RYR2: variants seen among roughly 807,000 people sequenced by gnomAD.
The protein encoded by RYR2 is ryanodine receptor 2, also known as cardiac muscle ryanodine receptor-calcium release channel.
In RYR2, 227 loss-of-function variants were observed where a neutral mutation model predicts 601.1. The observed-to-expected ratio is 0.38, with a 90% CI of 0.34 to 0.42. RYR2 has a LOEUF of 0.42. RYR2 is among the 10% of genes least tolerant of loss of function. The pLI, the probability that RYR2 is intolerant of heterozygous loss-of-function variation, is 1.00. For synonymous variants in RYR2, 2,223 were observed against 2,175.1 expected, an observed-to-expected ratio of 1.02 and a Z score of -0.61; for missense variants, 4,646 against 6,156.5, an observed-to-expected ratio of 0.75 and a Z score of 8.21.
At chr1:237,043,926 C>G (rs1177309811) in intron 1 of RYR2, among the ~76,000 whole-genome samples, 2 of 152,200 alleles carry the variant, frequency 1.3e-5, no homozygotes, top group East Asian at 3.8e-4. Context: ...ACGTTGTAAA[C>G]GACTGTCTCT....
chr1:237,785,115 G>A (rs1444517296), intron 90 of RYR2, 143 bp downstream of exon 90: 2 of 685,864 alleles, frequency 2.9e-6, no homozygotes, highest in South Asian at 1.7e-5. Flanking sequence ...CTTTTTGGTA[G>A]ACAAAGTTAG....
intron 1 of RYR2, among the ~76,000 whole-genome samples, chr1:237,073,734 T>C (rs539534657): frequency 6.6e-6 from 1 of 151,914 alleles, no homozygotes; most frequent in East Asian, 2.0e-4. Context: ...AGCTGGGTGT[T>C]GTGGCATGCA....
At chr1:237,170,271 C>A (rs1394367798) in intron 1 of RYR2, among the ~76,000 whole-genome samples, 1 of 152,164 alleles carries the variant, frequency 6.6e-6, no homozygotes, top group African/African-American at 2.4e-5. Context: ...GCCCTGGAAA[C>A]TTCTAGGGGG....
At chr1:237,454,711 G>T in intron 15 of RYR2, 137 bp downstream of exon 15, 1 of 711,156 alleles carries the variant, frequency 1.4e-6, no homozygotes, top group Middle Eastern at 3.3e-4. Flanking sequence ...CTGAACAGGA[G>T]AAACAGGCCT....
chr1:237,772,190 A>G, intron 86 of RYR2, 90 bp downstream of exon 86: 3 of 687,024 alleles, frequency 4.4e-6, no homozygotes, highest in Middle Eastern at 3.7e-4. Context: ...GTTTATAACT[A>G]GAAAGGAGTT....
chr1:237,081,658 A>G (rs1055922503), intron 1 of RYR2, among the ~76,000 whole-genome samples: 3 of 151,826 alleles, frequency 2.0e-5, no homozygotes, highest in Non-Finnish European at 2.9e-5. Context: ...GTCTCTCTCA[A>G]TATTCCATCC....
At chr1:237,559,368 G>A (rs566866629) in intron 27 of RYR2, among the ~76,000 whole-genome samples, 47 of 152,014 alleles carry the variant, frequency 3.1e-4, no homozygotes, top group Admixed American at 1.5e-3. Context: ...CCCACAAGCC[G>A]CTGGAGTGGG....
At chr1:237,560,347 A>G (rs1273259120) in intron 27 of RYR2, among the ~76,000 whole-genome samples, 1 of 152,258 alleles carries the variant, frequency 6.6e-6, no homozygotes, top group Non-Finnish European at 1.5e-5. Context: ...CCTTGGAGAA[A>G]CAACTATTTG....
intron 17 of RYR2, among the ~76,000 whole-genome samples, chr1:237,487,439 T>C (rs1662805620): frequency 6.6e-6 from 1 of 151,286 alleles, no homozygotes; most frequent in Non-Finnish European, 1.5e-5. Flanking sequence ...TATTTCAGGC[T>C]GGGTGCTGTG....
intron 8 of RYR2, among the ~76,000 whole-genome samples, chr1:237,383,414 C>CTTTTTTTTTTTTTTTTTTTTTT (rs1558724426): frequency 1.5e-5 from 1 of 64,790 alleles, no homozygotes; most frequent in African/African-American, 5.4e-5. Flanking sequence ...TTTCTTTTTT[C>CTTTTTTTTTTTTTTTTTTTTTT]TTGTTTTTTT....
At chr1:237,495,218 A>G (rs1663938194) in intron 19 of RYR2, among the ~76,000 whole-genome samples, 1 of 152,154 alleles carries the variant, frequency 6.6e-6, no homozygotes. Flanking sequence ...TTACCAGTCC[A>G]TTTTCCAGGA....
chr1:237,232,466 T>G (rs1685103174), intron 1 of RYR2, among the ~76,000 whole-genome samples: 1 of 152,240 alleles, frequency 6.6e-6, no homozygotes, highest in African/African-American at 2.4e-5. Context: ...TACCTCCTTG[T>G]ACCTTCCCTC....
At chr1:237,606,928 G>A (rs1459639282) in intron 35 of RYR2, among the ~76,000 whole-genome samples, 1 of 152,170 alleles carries the variant, frequency 6.6e-6, no homozygotes, top group African/African-American at 2.4e-5. Flanking sequence ...GAAACAACAG[G>A]TGCTGGAGAA....
intron 2 of RYR2, among the ~76,000 whole-genome samples, chr1:237,281,194 A>T (rs1328923108): frequency 6.6e-6 from 1 of 152,230 alleles, no homozygotes; most frequent in African/African-American, 2.4e-5. Context: ...AAGGCATTTT[A>T]TGGAATACTT....
chr1:237,708,952 G>A lies in RYR2; in HGVS notation c.9996G>A (p.Thr3332=), dbSNP rs760131228. ...LMEKLKKKAA[T]VVSEEDHLKA... Reference sequence around the variant, plus strand: ...AGAAACTCAAGAAAAAGGCAGCTACGGTGGTGTCTGAGGAAGACCACCTGA... The same window carrying A: ...AGAAACTCAAGAAAAAGGCAGCTACAGTGGTGTCTGAGGAAGACCACCTGA... Residue 3332 remains threonine, a synonymous_variant, in exon 69 of 105, where the codon ACG becomes ACA. Transcript: ENST00000366574. 1.7e-5 allele frequency: 27 copies of A among 1,613,366 alleles called. No individual in the cohort carries two copies. The highest frequency in any genetic ancestry group is 2.7e-5 in the African/African-American group (2 of 74,864).
At chr1:237,550,402 AC>A (rs1670268140) in intron 26 of RYR2, 141 bp from the exon 27 acceptor site, 1 of 845,378 alleles carries the variant, frequency 1.2e-6, no homozygotes, top group Non-Finnish European at 1.8e-6. Context: ...TGTTTTGGTA[AC>A]TTTGCAGCCT....
intron 73 of RYR2, among the ~76,000 whole-genome samples, chr1:237,720,461 A>C (rs1250374366): frequency 6.6e-6 from 1 of 152,256 alleles, no homozygotes; most frequent in East Asian, 1.9e-4. Flanking sequence ...TTTACTAACA[A>C]TTCTTTTAGA....
At chr1:237,359,389 G>A (rs1452997066) in intron 4 of RYR2, among the ~76,000 whole-genome samples, 1 of 152,172 alleles carries the variant, frequency 6.6e-6, no homozygotes, top group Non-Finnish European at 1.5e-5. Context: ...CCATTGTTAA[G>A]TCAGGGACCT....
At chr1:237,133,090 G>T (rs922243675) in intron 1 of RYR2, among the ~76,000 whole-genome samples, 1 of 152,190 alleles carries the variant, frequency 6.6e-6, no homozygotes, top group African/African-American at 2.4e-5. Context: ...GACAGCGTGG[G>T]TTGGGAGACA....
Sources: allele counts gnomAD v4.1 joint callset (sites outside exome capture counted in the v4.1 genomes callset), GRCh38; gene constraint gnomAD v4.1.1; transcripts MANE v1.5; gene names NCBI Gene and HGNC (gene_info 2026-07-23, HGNC 2026-07-21).